KIF6: variants seen among roughly 807,000 people sequenced by gnomAD.
KIF6 encodes the protein kinesin family member 6, also known as kinesin-like protein KIF6.
Under a neutral mutation model 112.7 loss-of-function variants are expected in KIF6, and 106 were observed. The ratio of observed to expected loss-of-function variants is 0.94; its 90% CI spans 0.80 to 1.11. The LOEUF is 1.11. KIF6 is among the 50% of genes least tolerant of loss of function. KIF6 has a pLI of 0.00. For missense variants in KIF6, 929 were observed against 964.0 expected, an observed-to-expected ratio of 0.96 and a Z score of 0.48; for synonymous variants, 339 against 339.9, an observed-to-expected ratio of 1.00 and a Z score of 0.03.
chr6:39,556,032 G>A (rs1779693044), intron 10 of KIF6, among the ~76,000 whole-genome samples: 1 of 151,054 alleles, frequency 6.6e-6, no homozygotes, highest in Non-Finnish European at 1.5e-5. Context: ...ACTTTTTGCA[G>A]CAAAAGGAAA....
At chr6:39,407,706 C>T (rs1162130802) in intron 15 of KIF6, among the ~76,000 whole-genome samples, 2 of 152,222 alleles carry the variant, frequency 1.3e-5, no homozygotes, top group East Asian at 1.9e-4. Context: ...GACTTGTGGT[C>T]TGGTGCAAGT....
In KIF6 at chr6:39,514,200, CG is replaced by C. The variant is rs372365527; in HGVS notation, c.1645+25802del. Among the ~76,000 whole-genome samples, 17 of 152,262 alleles carry C rather than the reference CG, an allele frequency of 1.1e-4. 1 individual carries two copies. In the East Asian group the frequency reaches 3.3e-3, roughly 29 times the overall value. On this transcript the variant is annotated intron_variant, in intron 13 of 22. Transcript: ENST00000287152. ...CCCCAAATTGCAGTCCCCACAAGAT[CG>C]GATCTTCCCCTGACAGTGACATTTA...
At chr6:39,429,533 T>C (rs140079190) in intron 14 of KIF6, among the ~76,000 whole-genome samples, 239 of 152,352 alleles carry the variant, frequency 1.6e-3, no homozygotes, top group African/African-American at 5.3e-3. Flanking sequence ...TAGCTTATTC[T>C]GTGGCCTATA....
At chr6:39,533,378 G>A (rs985209249) in intron 13 of KIF6, among the ~76,000 whole-genome samples, 13 of 152,224 alleles carry the variant, frequency 8.5e-5, no homozygotes, top group Non-Finnish European at 1.2e-4. Context: ...ATGGCTTGGA[G>A]GGTCCTGCAC....
At chr6:39,621,223 ACACACACACG>A (rs956494221) in intron 5 of KIF6, among the ~76,000 whole-genome samples, 8 of 137,980 alleles carry the variant, frequency 5.8e-5, no homozygotes, top group African/African-American at 1.7e-4. Context: ...ACACACACAC[ACACACACACG>A]TACACATATA....
intron 13 of KIF6, among the ~76,000 whole-genome samples, chr6:39,469,171 C>A (rs1304758513): frequency 1.3e-5 from 2 of 151,464 alleles, no homozygotes; most frequent in Non-Finnish European, 2.9e-5. Flanking sequence ...AAAATAACTC[C>A]AAAATAAACA....
chr6:39,376,451 C>T (rs148619646), intron 16 of KIF6, among the ~76,000 whole-genome samples: 1,660 of 152,252 alleles, frequency 0.011, 32 homozygotes, highest in African/African-American at 0.038. Context: ...GAACTGTGCC[C>T]GGCACTGGGC....
At chr6:39,612,438 C>T (rs1561863234) in intron 6 of KIF6, among the ~76,000 whole-genome samples, 1 of 152,174 alleles carries the variant, frequency 6.6e-6, no homozygotes, top group Non-Finnish European at 1.5e-5. Flanking sequence ...TGGATGAGAG[C>T]TTCATAACCC....
chr6:39,508,356 T>G (rs1307796443), intron 13 of KIF6, among the ~76,000 whole-genome samples: 1 of 152,034 alleles, frequency 6.6e-6, no homozygotes, highest in Non-Finnish European at 1.5e-5. Context: ...TCATTGGGAC[T>G]GGTTGGACAG....
chr6:39,529,375 A>G (rs1450663221), intron 13 of KIF6, among the ~76,000 whole-genome samples: 1 of 152,214 alleles, frequency 6.6e-6, no homozygotes, highest in East Asian at 1.9e-4. Context: ...CAACCTATGA[A>G]TTGGGAGAAA....
chr6:39,637,086 A>G (rs1467067231), intron 4 of KIF6, among the ~76,000 whole-genome samples: 1 of 152,074 alleles, frequency 6.6e-6, no homozygotes, highest in Non-Finnish European at 1.5e-5. Flanking sequence ...GAAGCCTTCA[A>G]ATGGAGAATT....
chr6:39,707,084 T>C (rs1045874378), intron 3 of KIF6, among the ~76,000 whole-genome samples: 1 of 152,194 alleles, frequency 6.6e-6, no homozygotes, highest in Non-Finnish European at 1.5e-5. Flanking sequence ...AACCAGGAAA[T>C]TGACATTGGT....
At chr6:39,595,625 A>G (rs1488578110) in intron 7 of KIF6, among the ~76,000 whole-genome samples, 1 of 152,224 alleles carries the variant, frequency 6.6e-6, no homozygotes, top group African/African-American at 2.4e-5. Context: ...GTTCAATTTG[A>G]AAAAGGAAGA....
At chr6:39,428,339 G>A (rs1354591052) in intron 14 of KIF6, among the ~76,000 whole-genome samples, 1 of 152,176 alleles carries the variant, frequency 6.6e-6, no homozygotes, top group East Asian at 1.9e-4. Flanking sequence ...GAGACAGCTA[G>A]CTTAACATGC....
chr6:39,646,180 T>TA (rs34006023), intron 3 of KIF6, among the ~76,000 whole-genome samples: 79,444 of 147,122 alleles, frequency 0.54, 24,262 homozygotes, highest in African/African-American at 0.84. Context: ...CTCAGAGAGG[T>TA]AAAAAAAAAG....
intron 13 of KIF6, among the ~76,000 whole-genome samples, chr6:39,537,221 T>A (rs1778490147): frequency 6.6e-6 from 1 of 152,184 alleles, no homozygotes; most frequent in Admixed American, 6.5e-5. Context: ...GCCAGGGCAC[T>A]CAGGCAGGAG....
chr6:39,596,983 T>C (rs1782307123), intron 6 of KIF6, among the ~76,000 whole-genome samples: 1 of 151,976 alleles, frequency 6.6e-6, no homozygotes, highest in Non-Finnish European at 1.5e-5. Context: ...AGAAAGACAA[T>C]GAAATAATAA....
At chr6:39,478,817 G>A (rs529675029) in intron 13 of KIF6, among the ~76,000 whole-genome samples, 3 of 149,808 alleles carry the variant, frequency 2.0e-5, no homozygotes, top group East Asian at 3.9e-4. Context: ...AGTTGGTATT[G>A]CATTGTGGTT....
At chr6:39,654,562 T>C (rs531662086) in intron 3 of KIF6, among the ~76,000 whole-genome samples, 9 of 152,316 alleles carry the variant, frequency 5.9e-5, no homozygotes, top group Admixed American at 2.6e-4. Context: ...CTTTACTTAT[T>C]TTTGATTATA....
Sources: allele counts gnomAD v4.1 joint callset (sites outside exome capture counted in the v4.1 genomes callset), GRCh38; gene constraint gnomAD v4.1.1; transcripts MANE v1.5; gene names NCBI Gene and HGNC (gene_info 2026-07-23, HGNC 2026-07-21).